Variants in RANBP9 observed in about 807,000 individuals in gnomAD.
RANBP9 encodes ran-binding protein 9.
In RANBP9, 15 loss-of-function variants were observed where a neutral mutation model predicts 84.3. The observed-to-expected ratio is 0.18, with a 90% CI of 0.12 to 0.27. RANBP9 has a LOEUF of 0.27. Among genes scored for constraint, RANBP9 ranks in the 10% least tolerant of loss-of-function variants. The probability of loss-of-function intolerance (pLI) is 1.00; values close to 1 mark genes in which losing one functional copy is unlikely to be tolerated. For synonymous variants in RANBP9, 392 were observed against 349.6 expected, an observed-to-expected ratio of 1.12 and a Z score of -1.35; for missense variants, 809 against 912.8, an observed-to-expected ratio of 0.89 and a Z score of 1.46.
At chr6:13,659,622 T>G (rs778864166) in intron 2 of RANBP9, among the ~76,000 whole-genome samples, 7 of 151,880 alleles carry the variant, frequency 4.6e-5, no homozygotes, top group Non-Finnish European at 8.8e-5. Context: ...AAAAACAAAA[T>G]AAAAAGCAAA....
intron 10 of RANBP9, among the ~76,000 whole-genome samples, chr6:13,637,400 A>G (rs1423565294): frequency 6.6e-6 from 1 of 152,222 alleles, no homozygotes; most frequent in African/African-American, 2.4e-5. Flanking sequence ...ACTCACACAC[A>G]GAGAAAAAAT....
chr6:13,625,108 C>T (rs1253208816), intron 13 of RANBP9, among the ~76,000 whole-genome samples: 2 of 152,200 alleles, frequency 1.3e-5, no homozygotes, highest in Admixed American at 1.3e-4. Context: ...TTCTCTCCAT[C>T]AAAACCTTTC....
At chr6:13,698,882 A>G (rs1401235607) in intron 1 of RANBP9, among the ~76,000 whole-genome samples, 1 of 152,186 alleles carries the variant, frequency 6.6e-6, no homozygotes, top group Non-Finnish European at 1.5e-5. Flanking sequence ...GTGAGCTCTG[A>G]ACCCACATGA....
At chr6:13,658,979 G>C (rs1584927788) in intron 2 of RANBP9, 147 bp from the exon 3 acceptor site, 1 of 724,226 alleles carries the variant, frequency 1.4e-6, no homozygotes, top group East Asian at 2.5e-5. Flanking sequence ...AATTTATTAT[G>C]TAACAACAAC....
chr6:13,705,759 A>G (rs1758094624), intron 1 of RANBP9, among the ~76,000 whole-genome samples: 1 of 149,520 alleles, frequency 6.7e-6, no homozygotes, highest in Non-Finnish European at 1.5e-5. Flanking sequence ...GCTACTGGGG[A>G]GGCTGAAGCA....
intron 1 of RANBP9, among the ~76,000 whole-genome samples, chr6:13,698,144 C>T (rs552761919): frequency 7.7e-4 from 117 of 151,304 alleles, no homozygotes; most frequent in African/African-American, 2.4e-3. Flanking sequence ...CATGTTCACA[C>T]CCCCCACTCC....
chr6:13,622,131 A>T lies in RANBP9; in HGVS notation c.*231T>A. The T allele has an allele frequency of 3.1e-6, 1 of 321,072 alleles. No individual in the cohort carries two copies. The highest frequency in any genetic ancestry group is 5.4e-6 in the Non-Finnish European group (1 of 184,552). The allele number at this position is 321,072 out of a possible 1,614,324, so 19.9% of individuals were successfully genotyped here. A position where few individuals can be genotyped will look rare whatever the true frequency, so the allele number is the denominator to read the frequency against. ...TGATCAATTTGAACGTCTGAAATTC[A>T]GTAATATTTAACTCTTAGACAACTA... On this transcript the variant is annotated 3_prime_UTR_variant, in exon 14 of 14. Coordinates refer to ENST00000011619, the MANE Select transcript of RANBP9 (RefSeq NM_005493.3).
chr6:13,639,956 A>C (rs554190502), intron 8 of RANBP9, among the ~76,000 whole-genome samples: 57 of 152,342 alleles, frequency 3.7e-4, no homozygotes, highest in Non-Finnish European at 6.3e-4. Flanking sequence ...ACAATGTAAT[A>C]GACACTATAA....
At chr6:13,649,430 T>C (rs1460827458) in intron 5 of RANBP9, among the ~76,000 whole-genome samples, 2 of 127,154 alleles carry the variant, frequency 1.6e-5, no homozygotes, top group Admixed American at 8.7e-5. Context: ...CAACAAAAGC[T>C]CACGCTGACT....
intron 1 of RANBP9, among the ~76,000 whole-genome samples, chr6:13,705,685 C>A (rs907686495): frequency 6.7e-6 from 1 of 150,362 alleles, no homozygotes; most frequent in Admixed American, 6.6e-5. Flanking sequence ...CTCGGTGAAA[C>A]CCCCTCTCTA....
intron 1 of RANBP9, among the ~76,000 whole-genome samples, chr6:13,699,978 C>T (rs1438598207): frequency 6.6e-6 from 1 of 152,132 alleles, no homozygotes; most frequent in Non-Finnish European, 1.5e-5. Flanking sequence ...ATGCTCATCA[C>T]CTGAAAGTTT....
In RANBP9 at chr6:13,674,268, A is replaced by C. The variant is rs370732876; in HGVS notation, c.684-15436T>G. Among the ~76,000 whole-genome samples, 34 of 152,280 alleles carry C rather than the reference A, an allele frequency of 2.2e-4. No individual in the cohort carries two copies. In the East Asian group the frequency reaches 5.6e-3, roughly 25 times the overall value. ...AAAGACCCAAATATATGTTGTCTAC[A>C]AGAAACTCACTCTAAATATAAAGAC... On this transcript the variant is annotated intron_variant, in intron 2 of 13. Coordinates refer to ENST00000011619, the MANE Select transcript of RANBP9 (RefSeq NM_005493.3).
chr6:13,696,963 C>T, intron 1 of RANBP9, 67 bp from the exon 2 acceptor site: 1 of 1,310,644 alleles, frequency 7.6e-7, no homozygotes, highest in Non-Finnish European at 1.1e-6. Flanking sequence ...AAACCTTAAA[C>T]AATTCAGGAA....
At chr6:13,690,417 G>C (rs1027227673) in intron 2 of RANBP9, among the ~76,000 whole-genome samples, 13 of 152,112 alleles carry the variant, frequency 8.5e-5, no homozygotes, top group African/African-American at 3.1e-4. Flanking sequence ...GATCCTTCTA[G>C]TTTTCAAAGC....
At chr6:13,694,333 T>C (rs1766391273) in intron 2 of RANBP9, among the ~76,000 whole-genome samples, 1 of 152,218 alleles carries the variant, frequency 6.6e-6, no homozygotes, top group Non-Finnish European at 1.5e-5. Flanking sequence ...AAAAGGACTG[T>C]TCTATGAATA....
Position 13,652,819 on chromosome 6 carries a change from T to C in RANBP9, c.905-138A>G, listed in dbSNP as rs376359221. On this transcript the variant is annotated intron_variant, in intron 4 of 13. Coordinates refer to ENST00000011619, the MANE Select transcript of RANBP9 (RefSeq NM_005493.3). ...AAGCCTAAATAAAAAATAACAAGACTAATTTTTAATCAATAATACTAACAT... is the reference window on the plus strand; with the variant it reads ...AAGCCTAAATAAAAAATAACAAGACCAATTTTTAATCAATAATACTAACAT... 219 of 688,820 alleles carry C rather than the reference T, an allele frequency of 3.2e-4. 2 individuals are homozygous for C. The highest frequency in any genetic ancestry group is 7.2e-4 in the African/African-American group (40 of 55,240). 42.7% of individuals were successfully genotyped at this position (688,820 alleles called of 1,614,324 possible).
chr6:13,636,662 T>A (rs1226841771), intron 10 of RANBP9, among the ~76,000 whole-genome samples: 1 of 152,242 alleles, frequency 6.6e-6, no homozygotes, highest in African/African-American at 2.4e-5. Flanking sequence ...CATCTATTTT[T>A]AAACTATAAT....
At chr6:13,634,383 T>C in intron 11 of RANBP9, 48 bp downstream of exon 11, 2 of 1,595,338 alleles carry the variant, frequency 1.3e-6, no homozygotes, top group African/African-American at 1.3e-5. Flanking sequence ...AAACATAACC[T>C]TGTAGCCATC....
At chr6:13,649,651 C>T (rs1272430328) in intron 5 of RANBP9, among the ~76,000 whole-genome samples, 1 of 152,062 alleles carries the variant, frequency 6.6e-6, no homozygotes, top group Non-Finnish European at 1.5e-5. Context: ...ATCTGTCTAC[C>T]TCTTTCTATG....
Sources: gnomAD v4.1 joint callset for allele counts (sites outside exome capture counted in the v4.1 genomes callset) on GRCh38, gnomAD v4.1.1 for gene constraint, MANE v1.5 for transcripts, NCBI Gene and HGNC (gene_info 2026-07-23, HGNC 2026-07-21) for gene names.